The following CSGALNACT1 variants were observed in gnomAD, a reference collection of about 807,000 sequenced individuals.
CSGALNACT1 encodes the protein chondroitin sulfate N-acetylgalactosaminyltransferase 1.
Under a neutral mutation model 51.0 loss-of-function variants are expected in CSGALNACT1, and 52 were observed. That is an observed-to-expected ratio of 1.02 (90% CI 0.82 to 1.29). The LOEUF is 1.29. CSGALNACT1 is among the 50% of genes most tolerant of loss of function. The pLI is 0.00. For missense variants in CSGALNACT1, 935 were observed against 679.2 expected (o/e 1.38, Z -4.19); for synonymous variants, 341 against 254.4 (o/e 1.34, Z -3.24).
chr8:19,618,190 C>T (rs559910743), intron 1 of CSGALNACT1, among the ~76,000 whole-genome samples: 30 of 152,250 alleles, frequency 2.0e-4, no homozygotes, highest in South Asian at 1.2e-3. Flanking sequence ...TATGCCTGTA[C>T]GCTTCAAATG....
chr8:19,455,561 G>C (rs2063927356), intron 5 of CSGALNACT1, among the ~76,000 whole-genome samples: 1 of 152,150 alleles, frequency 6.6e-6, no homozygotes, highest in Admixed American at 6.5e-5. Flanking sequence ...TAGTTGTCCT[G>C]ACACCATGCC....
At chr8:19,424,688 C>G (rs768613167) in intron 6 of CSGALNACT1, among the ~76,000 whole-genome samples, 1 of 152,196 alleles carries the variant, frequency 6.6e-6, no homozygotes, top group Non-Finnish European at 1.5e-5. Flanking sequence ...CATTTTGAAG[C>G]AGTGCTCATT....
chr8:19,533,796 T>A (rs2083237119), intron 3 of CSGALNACT1, among the ~76,000 whole-genome samples: 1 of 152,216 alleles, frequency 6.6e-6, no homozygotes. Context: ...AAGAGCTTTT[T>A]ACAGTTCTTT....
chr8:19,473,677 A>G (rs1210605197), intron 4 of CSGALNACT1, among the ~76,000 whole-genome samples: 1 of 152,366 alleles, frequency 6.6e-6, no homozygotes, highest in East Asian at 1.9e-4. Context: ...AAAAGTCAAA[A>G]GTAGTGTCTC....
At chr8:19,451,758 G>T (rs1235979215) in intron 5 of CSGALNACT1, among the ~76,000 whole-genome samples, 2 of 152,204 alleles carry the variant, frequency 1.3e-5, no homozygotes, top group African/African-American at 4.8e-5. Flanking sequence ...AGCCATGCAA[G>T]TCTTTTCTAG....
chr8:19,669,135 C>T lies in CSGALNACT1; in HGVS notation c.-544+13338G>A, dbSNP rs555506441. 5.3e-5 allele frequency among the ~76,000 whole-genome samples: 8 copies of T among 152,312 alleles called. No homozygotes were observed. In the South Asian group the frequency reaches 6.2e-4, roughly 12 times the overall value. On this transcript the variant is annotated intron_variant, in intron 1 of 9. Transcript: ENST00000332246. ...CATTCAAAAGTATGTTGATCATTTG[C>T]TATTTGGCTTTGAGAAAATAATTTA...
chr8:19,595,637 C>T (rs553864063), intron 2 of CSGALNACT1, among the ~76,000 whole-genome samples: 44 of 151,916 alleles, frequency 2.9e-4, no homozygotes, highest in African/African-American at 9.9e-4. Flanking sequence ...AAAATCTGGC[C>T]AGACATGGTG....
At chr8:19,538,741 G>C (rs2084371828) in intron 3 of CSGALNACT1, among the ~76,000 whole-genome samples, 1 of 152,086 alleles carries the variant, frequency 6.6e-6, no homozygotes, top group Non-Finnish European at 1.5e-5. Context: ...TGAAACAGCA[G>C]GATTTGTGGA....
chr8:19,583,663 T>C (rs530238891), intron 3 of CSGALNACT1, among the ~76,000 whole-genome samples: 14 of 152,276 alleles, frequency 9.2e-5, no homozygotes, highest in African/African-American at 3.4e-4. Context: ...CATCAACCAT[T>C]ACTCTGATGA....
intron 1 of CSGALNACT1, among the ~76,000 whole-genome samples, chr8:19,671,192 G>A (rs1269722427): frequency 1.3e-5 from 2 of 152,126 alleles, no homozygotes; most frequent in East Asian, 1.9e-4. Context: ...GCAAGGACAG[G>A]CTCAAAACCC....
At chr8:19,622,562 T>C (rs1438309790) in intron 1 of CSGALNACT1, among the ~76,000 whole-genome samples, 1 of 152,230 alleles carries the variant, frequency 6.6e-6, no homozygotes, top group Non-Finnish European at 1.5e-5. Flanking sequence ...CTAGAAGTTA[T>C]TCAGGATAGT....
At chr8:19,667,351 G>C (rs2059462401) in intron 1 of CSGALNACT1, among the ~76,000 whole-genome samples, 1 of 151,706 alleles carries the variant, frequency 6.6e-6, no homozygotes, top group Non-Finnish European at 1.5e-5. Flanking sequence ...TAGGGGGACT[G>C]CTTGAGCCCA....
intron 1 of CSGALNACT1, among the ~76,000 whole-genome samples, chr8:19,638,367 G>A (rs970236727): frequency 6.6e-6 from 1 of 152,018 alleles, no homozygotes; most frequent in Admixed American, 6.6e-5. Flanking sequence ...CCCAAGTGGC[G>A]ATCACACCCA....
exon 4 of CSGALNACT1, chr8:19,505,937 C>T (rs142336638): frequency 3.6e-6 from 5 of 1,381,180 alleles, no homozygotes; most frequent in Middle Eastern, 1.9e-4. Context: ...GCGTTTGGGG[C>T]CCCCGGAGCT....
intron 3 of CSGALNACT1, among the ~76,000 whole-genome samples, chr8:19,528,941 T>G (rs2082231310): frequency 6.6e-6 from 1 of 152,176 alleles, no homozygotes; most frequent in Non-Finnish European, 1.5e-5. Context: ...CACACAGCCT[T>G]CAGAAGGTCT....
At chr8:19,674,954 G>A (rs1229766339) in intron 1 of CSGALNACT1, among the ~76,000 whole-genome samples, 1 of 152,156 alleles carries the variant, frequency 6.6e-6, no homozygotes, top group East Asian at 1.9e-4. Context: ...TCTTGAAGTC[G>A]GGGAAGACCA....
chr8:19,406,784 C>A (rs573577315), intron 9 of CSGALNACT1, among the ~76,000 whole-genome samples: 1 of 152,202 alleles, frequency 6.6e-6, no homozygotes, highest in Non-Finnish European at 1.5e-5. Context: ...TCTCGGCTCA[C>A]TGCAATCTCC....
upstream of CSGALNACT1, among the ~76,000 whole-genome samples, chr8:19,604,427 C>G (rs150046359): frequency 9.0e-3 from 1,366 of 152,300 alleles, 10 homozygotes; most frequent in Non-Finnish European, 0.013. Flanking sequence ...ATTAATATTT[C>G]CACTTTACAA....
intron 3 of CSGALNACT1, among the ~76,000 whole-genome samples, chr8:19,535,173 A>G (rs1307665182): frequency 6.6e-6 from 1 of 152,208 alleles, no homozygotes; most frequent in African/African-American, 2.4e-5. Context: ...TGTGCCTGCT[A>G]CTGACATATA....
Sources: gnomAD v4.1 joint callset for allele counts (sites outside exome capture counted in the v4.1 genomes callset) on GRCh38, gnomAD v4.1.1 for gene constraint, MANE v1.5 for transcripts, NCBI Gene and HGNC (gene_info 2026-07-23, HGNC 2026-07-21) for gene names.